TTC23: variants seen among roughly 807,000 people sequenced by gnomAD.
TTC23 encodes the protein tetratricopeptide repeat protein 23.
TTC23 carries 58 observed loss-of-function variants against 55.1 expected under a neutral mutation model. The ratio of observed to expected loss-of-function variants is 1.05; its 90% CI spans 0.85 to 1.31. TTC23 has a LOEUF of 1.31. TTC23 is among the 50% of genes most tolerant of loss of function. The probability of loss-of-function intolerance (pLI) is 0.00; values close to 1 mark genes in which losing one functional copy is unlikely to be tolerated. For missense variants in TTC23, 516 were observed against 534.4 expected, an observed-to-expected ratio of 0.97 and a Z score of 0.34; for synonymous variants, 203 against 199.9, an observed-to-expected ratio of 1.02 and a Z score of -0.13.
chr15:99,232,779 A>C (rs2079032931), intron 4 of TTC23, among the ~76,000 whole-genome samples: 2 of 152,224 alleles, frequency 1.3e-5, no homozygotes. Flanking sequence ...CATGAATCCC[A>C]CTACTGGGTG....
At chr15:99,217,561 ATGTG>A (rs1276775775) in intron 8 of TTC23, among the ~76,000 whole-genome samples, 1 of 152,232 alleles carries the variant, frequency 6.6e-6, no homozygotes, top group Non-Finnish European at 1.5e-5. Flanking sequence ...TTTATCTATG[ATGTG>A]TGTGTAGGAG....
intron 10 of TTC23, among the ~76,000 whole-genome samples, chr15:99,162,308 T>C (rs2071480234): frequency 6.6e-6 from 1 of 152,124 alleles, no homozygotes; most frequent in Non-Finnish European, 1.5e-5. Context: ...ACATGAAAAA[T>C]CTGGAAAATA....
chr15:99,227,673 C>A (rs780989718), intron 5 of TTC23, among the ~76,000 whole-genome samples: 2 of 152,196 alleles, frequency 1.3e-5, no homozygotes, highest in Non-Finnish European at 2.9e-5. Context: ...AGCTTCATTT[C>A]TTGCCCTGTG....
intron 3 of TTC23, among the ~76,000 whole-genome samples, chr15:99,240,514 A>G: frequency 6.6e-6 from 1 of 152,218 alleles, no homozygotes; most frequent in East Asian, 1.9e-4. Flanking sequence ...TGTCAACACT[A>G]GATCTATGCC....
chr15:99,173,966 C>G (rs75227143), intron 10 of TTC23, among the ~76,000 whole-genome samples: 1 of 152,138 alleles, frequency 6.6e-6, no homozygotes, highest in Non-Finnish European at 1.5e-5. Flanking sequence ...ATAGAAAGTA[C>G]TTTCCTCCTA....
chr15:99,222,745 C>T (rs1384684939), intron 5 of TTC23, among the ~76,000 whole-genome samples: 3 of 152,140 alleles, frequency 2.0e-5, no homozygotes, highest in Non-Finnish European at 4.4e-5. Context: ...AACCTGTAAT[C>T]CCAGCACTTT....
chr15:99,193,825 T>C (rs879696757), intron 9 of TTC23, among the ~76,000 whole-genome samples: 4 of 151,952 alleles, frequency 2.6e-5, no homozygotes, highest in Non-Finnish European at 4.4e-5. Context: ...CTGGCTAACA[T>C]AGTGAAACCC....
rs1009398438 is a variant in TTC23, at chr15:99,241,528, T to G, written c.-277A>C. On this transcript the variant is annotated 5_prime_UTR_variant, in exon 3 of 14. Transcript: ENST00000394132. ...AATCACAACTGCCAATGAGACCTAC[T>G]CAGTCAGTTGATACTGTTCCTTCTG... is the stretch of plus-strand genomic sequence containing the variant. 8.5e-5 allele frequency: 13 copies of G among 152,350 alleles called. No individual in the cohort carries two copies. The highest frequency in any genetic ancestry group is 3.1e-4 in the African/African-American group (13 of 41,444). The allele number at this position is 152,350 out of a possible 1,614,324, so 9.4% of individuals were successfully genotyped here. A position where few individuals can be genotyped will look rare whatever the true frequency, so the allele number is the denominator to read the frequency against.
In TTC23 at chr15:99,211,465, G is replaced by A. The variant is rs374990527; in HGVS notation, c.581+7123C>T. ...TTCATGAGAGCAAAGAAAACAAAAT[G>A]TAGCCTTCCCAAGGCACAGGGAAAA... On this transcript the variant is annotated intron_variant, in intron 8 of 13. Transcript: ENST00000394132. Among the ~76,000 whole-genome samples the A allele has an allele frequency of 6.6e-5, 10 of 152,204 alleles. No individual in the cohort carries two copies. The South Asian group carries it at 1.2e-3, about 19-fold the overall frequency.
chr15:99,244,982 T>C (rs2080116843), intron 2 of TTC23, among the ~76,000 whole-genome samples: 1 of 152,288 alleles, frequency 6.6e-6, no homozygotes, highest in Middle Eastern at 3.4e-3. Context: ...CTATAGAAAA[T>C]AATTGAAATT....
intron 8 of TTC23, among the ~76,000 whole-genome samples, chr15:99,211,149 T>G (rs182202792): frequency 1.3e-5 from 2 of 151,924 alleles, no homozygotes; most frequent in African/African-American, 4.8e-5. Flanking sequence ...CCAAAACAGG[T>G]GGATCACTTG....
At chr15:99,177,151 A>G (rs867177868) in intron 9 of TTC23, among the ~76,000 whole-genome samples, 1 of 152,228 alleles carries the variant, frequency 6.6e-6, no homozygotes, top group Non-Finnish European at 1.5e-5. Flanking sequence ...TACTTGTCAC[A>G]TGTTAAAATC....
intron 3 of TTC23, among the ~76,000 whole-genome samples, chr15:99,236,391 C>T (rs2079316391): frequency 6.6e-6 from 1 of 151,818 alleles, no homozygotes; most frequent in South Asian, 2.1e-4. Context: ...ACCAGAGATC[C>T]TCAACATCTT....
chr15:99,199,989 A>G lies in TTC23; in HGVS notation c.689T>C (p.Ile230Thr). 1.2e-6 allele frequency: 2 copies of G among 1,614,028 alleles called. No individual in the cohort carries two copies. The highest frequency in any genetic ancestry group is 1.7e-6 in the Non-Finnish European group (2 of 1,179,984). ...KGETSRECVP[I>T]LRELAGVEQA... ...CTCTACACCTGCTAATTCTCTCAAT[A>G]TGGGTACACACTCACGACTTGTTTC... The change falls in exon 9 of 14, where the codon ATA becomes ACA. Residue 230 changes from isoleucine to threonine, a missense_variant. Coordinates refer to ENST00000394132, the MANE Select transcript of TTC23 (RefSeq NM_001288615.3).
intron 11 of TTC23, chr15:99,157,186 T>A (rs2151884258): frequency 6.7e-6 from 1 of 150,130 alleles, no homozygotes; most frequent in East Asian, 2.0e-4. Context: ...TCTTCCATTT[T>A]ACAACAGCAG....
intron 8 of TTC23, among the ~76,000 whole-genome samples, chr15:99,202,797 C>A (rs2076305733): frequency 6.6e-6 from 1 of 152,130 alleles, no homozygotes; most frequent in African/African-American, 2.4e-5. Flanking sequence ...CAGTAGAAAA[C>A]CCAAACTGTA....
chr15:99,147,154 C>T (rs2068988355), intron 12 of TTC23, among the ~76,000 whole-genome samples: 1 of 150,210 alleles, frequency 6.7e-6, no homozygotes, highest in Non-Finnish European at 1.5e-5. Flanking sequence ...ACAGGTGGTC[C>T]ACCCACCTCG....
rs185372655 is a variant in TTC23 at position 99,193,030 on chromosome 15, G to A, written c.759+6889C>T. ...CTTGCATAGGGTTTGTAGCCCCTTTGTTTTGGCCAATTTCTCCCATTTGGA... is the reference window on the plus strand; with the variant it reads ...CTTGCATAGGGTTTGTAGCCCCTTTATTTTGGCCAATTTCTCCCATTTGGA... On this transcript the variant is annotated intron_variant, in intron 9 of 13. Coordinates refer to ENST00000394132, the MANE Select transcript of TTC23 (RefSeq NM_001288615.3). Among the ~76,000 whole-genome samples, 12 of 152,268 alleles carry A rather than the reference G, an allele frequency of 7.9e-5. No homozygotes were observed. The East Asian group carries it at 2.3e-3, about 29-fold the overall frequency.
intron 9 of TTC23, among the ~76,000 whole-genome samples, chr15:99,190,128 T>A (rs904972215): frequency 5.9e-5 from 9 of 151,880 alleles, no homozygotes; most frequent in African/African-American, 1.7e-4. Flanking sequence ...TGCAGTGAGC[T>A]GTGTTTGCGC....
Sources: gnomAD v4.1 joint callset for allele counts (sites outside exome capture counted in the v4.1 genomes callset) on GRCh38, gnomAD v4.1.1 for gene constraint, MANE v1.5 for transcripts, NCBI Gene and HGNC (gene_info 2026-07-23, HGNC 2026-07-21) for gene names.